Variants in USP34 observed in about 807,000 individuals in gnomAD.
The protein encoded by USP34 is ubiquitin carboxyl-terminal hydrolase 34.
Under a neutral mutation model 460.3 loss-of-function variants are expected in USP34, and 70 were observed. The ratio of observed to expected loss-of-function variants is 0.15; its 90% CI spans 0.13 to 0.19. The LOEUF (loss-of-function observed/expected upper bound fraction) is 0.19, where lower values mean the gene tolerates loss of function less well. USP34 is among the 10% of genes least tolerant of loss of function. The pLI is 1.00. For missense variants in USP34, 3,985 were observed against 4,236.2 expected, an observed-to-expected ratio of 0.94 and a Z score of 1.65; for synonymous variants, 1,647 against 1,405.3, an observed-to-expected ratio of 1.17 and a Z score of -3.85.
At chr2:61,245,788 A>G (rs1318918147) in intron 50 of USP34, among the ~76,000 whole-genome samples, 1 of 152,176 alleles carries the variant, frequency 6.6e-6, no homozygotes, top group African/African-American at 2.4e-5. Context: ...TCAAATCAAT[A>G]TCCCCAGCAC....
At chr2:61,421,793 A>ACG (rs1056708087) in intron 1 of USP34, among the ~76,000 whole-genome samples, 5 of 147,274 alleles carry the variant, frequency 3.4e-5, no homozygotes, top group Admixed American at 2.7e-4. Flanking sequence ...ACACACACAC[A>ACG]CACACGCGCG....
intron 1 of USP34, among the ~76,000 whole-genome samples, chr2:61,448,462 G>A (rs989832100): frequency 1.3e-5 from 2 of 151,966 alleles, no homozygotes; most frequent in Non-Finnish European, 2.9e-5. Flanking sequence ...TCAAGGACGG[G>A]GAAAAAAAAT....
intron 10 of USP34, among the ~76,000 whole-genome samples, chr2:61,355,610 A>AAC (rs1558546605): frequency 4.6e-5 from 7 of 151,788 alleles, no homozygotes; most frequent in African/African-American, 1.7e-4. Flanking sequence ...TTCACTACAA[A>AAC]AACAACAACA....
At chr2:61,338,650 C>A (rs1171830714) in intron 18 of USP34, among the ~76,000 whole-genome samples, 1 of 152,004 alleles carries the variant, frequency 6.6e-6, no homozygotes, top group East Asian at 1.9e-4. Flanking sequence ...GGAACACTAT[C>A]AAAGCAGTAT....
intron 3 of USP34, among the ~76,000 whole-genome samples, chr2:61,399,450 A>G (rs1693643211): frequency 6.6e-6 from 1 of 152,102 alleles, no homozygotes; most frequent in South Asian, 2.1e-4. Flanking sequence ...TCTATTTCCA[A>G]TATGAATACA....
chr2:61,362,563 G>C (rs1260559774), intron 10 of USP34, among the ~76,000 whole-genome samples: 3 of 152,180 alleles, frequency 2.0e-5, no homozygotes, highest in African/African-American at 7.2e-5. Context: ...ACCAGACAAA[G>C]AGAGATAAAT....
intron 25 of USP34, among the ~76,000 whole-genome samples, chr2:61,312,455 C>T (rs766018935): frequency 9.3e-5 from 14 of 149,886 alleles, no homozygotes; most frequent in East Asian, 2.0e-4. Flanking sequence ...TCACTAAACA[C>T]GTGTCAATTT....
At chr2:61,235,816 A>G (rs1169842162) in intron 57 of USP34, 29 bp downstream of exon 57, 2 of 1,601,350 alleles carry the variant, frequency 1.2e-6, no homozygotes, top group Non-Finnish European at 1.7e-6. Context: ...ATCTTAAACT[A>G]TGCATTAGTT....
intron 37 of USP34, among the ~76,000 whole-genome samples, chr2:61,282,317 A>G (rs1439425227): frequency 6.6e-6 from 1 of 152,218 alleles, no homozygotes; most frequent in African/African-American, 2.4e-5. Flanking sequence ...TTTAAAAAAT[A>G]AGTGACTTTG....
At chr2:61,372,557 C>T (rs1316339820) in intron 8 of USP34, among the ~76,000 whole-genome samples, 2 of 152,062 alleles carry the variant, frequency 1.3e-5, no homozygotes, top group Non-Finnish European at 2.9e-5. Flanking sequence ...TAATGAAAGC[C>T]TGTTTCCGCC....
At position 61,470,768 on chromosome 2, in the gene USP34, G is replaced by C; in HGVS notation, c.-76C>G. On this transcript the variant is annotated 5_prime_UTR_variant, in exon 1 of 80. Transcript: ENST00000398571. ...CCCGACCGGCGGGGGGGAGGGGAGA[G>C]AGGCGGAGGAGGGGGCCGGCCGGCC... 1 of 1,329,078 alleles carries C rather than the reference G, an allele frequency of 7.5e-7. No homozygotes were observed. Among genetic ancestry groups the C allele is most frequent in the South Asian group, 1.3e-5 (1 of 79,216 alleles). The allele number at this position is 1,329,078 out of a possible 1,614,324, so 82.3% of individuals were successfully genotyped here.
chr2:61,408,945 G>T (rs1278401010), intron 2 of USP34, among the ~76,000 whole-genome samples: 1 of 151,958 alleles, frequency 6.6e-6, no homozygotes, highest in Non-Finnish European at 1.5e-5. Context: ...GTGTCGGGGG[G>T]TGCGCTGTCT....
chr2:61,373,718 A>T (rs1412629968), intron 8 of USP34, among the ~76,000 whole-genome samples: 1 of 152,248 alleles, frequency 6.6e-6, no homozygotes, highest in Admixed American at 6.5e-5. Context: ...TATATTCTAC[A>T]GAGTCACTGC....
intron 1 of USP34, among the ~76,000 whole-genome samples, chr2:61,430,548 C>T (rs1380478463): frequency 2.0e-5 from 3 of 152,134 alleles, no homozygotes; most frequent in Non-Finnish European, 2.9e-5. Flanking sequence ...AATTGTGGTT[C>T]TTATATGAGT....
intron 8 of USP34, among the ~76,000 whole-genome samples, chr2:61,376,235 A>T (rs1692797058): frequency 6.8e-6 from 1 of 147,890 alleles, no homozygotes; most frequent in African/African-American, 2.7e-5. Context: ...CTGCTTAAAA[A>T]TACCCAATTC....
chr2:61,228,175 G>A (rs1418158690), intron 61 of USP34, among the ~76,000 whole-genome samples: 1 of 152,148 alleles, frequency 6.6e-6, no homozygotes, highest in Non-Finnish European at 1.5e-5. Flanking sequence ...ATCTCTTATG[G>A]TTAAGAAAAG....
chr2:61,413,975 G>A (rs1182062638), intron 2 of USP34, among the ~76,000 whole-genome samples: 1 of 150,130 alleles, frequency 6.7e-6, no homozygotes, highest in Non-Finnish European at 1.5e-5. Context: ...AAAAACAAAA[G>A]AGGCCGAGTG....
At chr2:61,338,498 G>A (rs1047577352) in intron 18 of USP34, among the ~76,000 whole-genome samples, 1 of 152,010 alleles carries the variant, frequency 6.6e-6, no homozygotes, top group Non-Finnish European at 1.5e-5. Context: ...AATTCAATAG[G>A]GGAAAAAAAT....
intron 25 of USP34, among the ~76,000 whole-genome samples, chr2:61,312,168 GT>G (rs1690614201): frequency 6.6e-6 from 1 of 150,668 alleles, no homozygotes; most frequent in African/African-American, 2.4e-5. Context: ...CTTAAGGCCA[GT>G]TTATTATTTT....
Sources: allele counts gnomAD v4.1 joint callset (sites outside exome capture counted in the v4.1 genomes callset), GRCh38; gene constraint gnomAD v4.1.1; transcripts MANE v1.5; gene names NCBI Gene and HGNC (gene_info 2026-07-23, HGNC 2026-07-21).